The following DDX60 variants were observed in gnomAD, a reference collection of about 807,000 sequenced individuals.
The protein encoded by DDX60 is probable ATP-dependent RNA helicase DDX60.
A neutral mutation model predicts 212.8 loss-of-function variants in DDX60; 165 were observed. That is an observed-to-expected ratio of 0.78 (90% CI 0.68 to 0.88). The LOEUF is 0.88. Ranked by LOEUF, DDX60 falls within the 40% of genes least tolerant of loss-of-function variation. The probability of loss-of-function intolerance (pLI) is 0.00; values close to 1 mark genes in which losing one functional copy is unlikely to be tolerated. For synonymous variants in DDX60, 703 were observed against 685.3 expected (o/e 1.03, Z -0.40); for missense variants, 1,905 against 2,003.9 (o/e 0.95, Z 0.94).
Position 168,306,256 on chromosome 4 carries a change from AT to A in DDX60, c.606+122del, listed in dbSNP as rs1230863052. 3 of 585,290 alleles carry A rather than the reference AT, an allele frequency of 5.1e-6. No individual in the cohort carries two copies. The African/African-American group carries it at 5.6e-5, about 11-fold the overall frequency. 36.3% of individuals were successfully genotyped at this position (585,290 alleles called of 1,614,324 possible). On this transcript the variant is annotated intron_variant, in intron 5 of 37. Coordinates refer to ENST00000393743, the MANE Select transcript of DDX60 (RefSeq NM_017631.6). ...TATCATTATTTACTTAATATTATTAATTGTTATACCTATCTGTTAAGCCTCT... is the reference window on the plus strand; with the variant it reads ...TATCATTATTTACTTAATATTATTAATGTTATACCTATCTGTTAAGCCTCT...
At chr4:168,283,391 A>C in intron 13 of DDX60, 55 bp downstream of exon 13, 1 of 1,519,074 alleles carries the variant, frequency 6.6e-7, no homozygotes, top group Non-Finnish European at 9.0e-7. Context: ...ACACATATCA[A>C]CCTGATAAAA....
upstream of DDX60, among the ~76,000 whole-genome samples, chr4:168,321,305 T>TC (rs1335198515): frequency 3.9e-5 from 6 of 152,200 alleles, no homozygotes; most frequent in East Asian, 1.2e-3. Flanking sequence ...CAGGGTGAAC[T>TC]CCATGAGCCA....
At chr4:168,304,420 G>T (rs57663906) in intron 5 of DDX60, among the ~76,000 whole-genome samples, 12,595 of 152,028 alleles carry the variant, frequency 0.083, 1,678 homozygotes, top group African/African-American at 0.28. Context: ...AGAAAGAAAG[G>T]CCAGGCACAG....
chr4:168,300,097 AC>A (rs1736582061), intron 6 of DDX60, among the ~76,000 whole-genome samples: 1 of 152,198 alleles, frequency 6.6e-6, no homozygotes, highest in African/African-American at 2.4e-5. Flanking sequence ...ATAAACTATG[AC>A]TAAGTTGGAT....
chr4:168,307,910 A>C (rs1304570586), intron 4 of DDX60, 96 bp downstream of exon 4: 2 of 656,896 alleles, frequency 3.0e-6, no homozygotes, highest in Non-Finnish European at 4.4e-6. Flanking sequence ...TTATAGATAT[A>C]ATCTACTTTG....
At chr4:168,266,355 A>G (rs1295223138) in intron 22 of DDX60, among the ~76,000 whole-genome samples, 2 of 152,176 alleles carry the variant, frequency 1.3e-5, no homozygotes, top group African/African-American at 4.8e-5. Flanking sequence ...ATACATAGCA[A>G]TTTGTTAGGA....
rs1011746682 is a variant in DDX60, at chr4:168,225,539, C to T, written c.4671G>A (p.Leu1557=). ...ADMNQEYQLP[L]SKIKFTGKEC... ...GTAAAATATACTTACTGATTTTTGA[C>T]AATGGGAGTTGATATTCCTGATTCA... The change falls in exon 34 of 38, where the codon TTG becomes TTA. Residue 1557 remains leucine, a synonymous_variant. Transcript: ENST00000393743. 1.9e-5 allele frequency: 30 copies of T among 1,604,142 alleles called. No individual in the cohort carries two copies. Among genetic ancestry groups the T allele is most frequent in the Middle Eastern group, 3.3e-4 (2 of 6,038 alleles).
chr4:168,229,051 G>A (rs1417278455), intron 33 of DDX60, among the ~76,000 whole-genome samples: 2 of 152,078 alleles, frequency 1.3e-5, no homozygotes, highest in African/African-American at 4.8e-5. Context: ...CACTCAGACA[G>A]ACAGATCAGC....
intron 24 of DDX60, 133 bp from the exon 25 acceptor site, chr4:168,261,122 A>G (rs1156491100): frequency 8.4e-6 from 8 of 954,000 alleles, no homozygotes; most frequent in Non-Finnish European, 1.2e-5. Flanking sequence ...ATGAAAGTAC[A>G]TTATAAAACG....
intron 37 of DDX60, among the ~76,000 whole-genome samples, chr4:168,218,337 G>A (rs888861593): frequency 2.0e-5 from 3 of 151,934 alleles, no homozygotes; most frequent in African/African-American, 7.3e-5. Flanking sequence ...GCTCATCCTT[G>A]TTTCCTATAC....
chr4:168,280,462 G>T lies in DDX60; in HGVS notation c.1851C>A (p.His617Gln). The change falls in exon 14 of 38, where the codon CAC becomes CAA. Residue 617 changes from histidine to glutamine, a missense_variant. Physicochemically the swap from His to Gln is conservative, Grantham distance 24. Transcript: ENST00000393743. ...AATCTTCCAGGCTCTTTATTCCAGAGTGTAAATTTTCTTTCAATTGCTCTT... is the reference window on the plus strand; with the variant it reads ...AATCTTCCAGGCTCTTTATTCCAGATTGTAAATTTTCTTTCAATTGCTCTT... Reference protein sequence around the residue: ...SIEEQLKENLHSGIKSLEDFL... With the variant: ...SIEEQLKENLQSGIKSLEDFL... 6.2e-7 allele frequency: 1 copy of T among 1,614,156 alleles called. No individual in the cohort carries two copies. Among genetic ancestry groups the T allele is most frequent in the Non-Finnish European group, 8.5e-7 (1 of 1,180,026 alleles).
At chr4:168,293,638 T>A (rs1736209781) in intron 7 of DDX60, 149 bp downstream of exon 7, 1 of 694,332 alleles carries the variant, frequency 1.4e-6, no homozygotes, top group Non-Finnish European at 2.4e-6. Flanking sequence ...TGTTTCCTGA[T>A]AGACACAAAT....
At position 168,283,459 on chromosome 4, in the gene DDX60, C is replaced by G. The variant is rs751669020; in HGVS notation, c.1709G>C (p.Ser570Thr). 6.2e-7 allele frequency: 1 copy of G among 1,612,822 alleles called. No individual in the cohort carries two copies. The highest frequency in any genetic ancestry group is 1.3e-5 in the African/African-American group (1 of 74,942). The change falls in exon 13 of 38, where the codon AGC becomes ACC. Residue 570 changes from serine to threonine, a missense_variant. Transcript: ENST00000393743. ...TATAGAACCTACGTGTGCCTTTTTG[C>G]TCTTGGGCCCACTAAAATCCTTCTT... ...KSKKDFSGPKSKKAHETKAEI... is the reference protein window; with the variant it reads ...KSKKDFSGPKTKKAHETKAEI...
intron 7 of DDX60, 34 bp from the exon 8 acceptor site, chr4:168,291,940 C>A: frequency 6.5e-7 from 1 of 1,531,950 alleles, no homozygotes; most frequent in South Asian, 1.3e-5. Flanking sequence ...AGCCAGAGAA[C>A]AGCAGGGTGT....
At chr4:168,306,749 A>ATT (rs1282712440) in intron 4 of DDX60, 29 bp from the exon 5 acceptor site, 3 of 1,500,446 alleles carry the variant, frequency 2.0e-6, no homozygotes, top group Non-Finnish European at 2.7e-6. Context: ...AGTACATTTT[A>ATT]TTTCAAAATT....
intron 36 of DDX60, 33 bp from the exon 37 acceptor site, chr4:168,220,750 A>T: frequency 8.8e-7 from 1 of 1,136,088 alleles, no homozygotes; most frequent in Non-Finnish European, 1.2e-6. Flanking sequence ...AATTAATAAT[A>T]CAAAACATTA....
intron 25 of DDX60, among the ~76,000 whole-genome samples, chr4:168,257,584 G>A (rs771808222): frequency 1.3e-5 from 2 of 152,080 alleles, no homozygotes; most frequent in Admixed American, 6.6e-5. Flanking sequence ...TGGGGCCTAG[G>A]AATATATTAC....
At chr4:168,233,721 G>A (rs1578977979) in intron 33 of DDX60, among the ~76,000 whole-genome samples, 1 of 152,052 alleles carries the variant, frequency 6.6e-6, no homozygotes, top group Non-Finnish European at 1.5e-5. Context: ...AAAGGTGTGA[G>A]GGGTGAGGAA....
At chr4:168,302,764 C>T (rs1322977529) in intron 5 of DDX60, among the ~76,000 whole-genome samples, 1 of 152,148 alleles carries the variant, frequency 6.6e-6, no homozygotes, top group Admixed American at 6.5e-5. Flanking sequence ...TTCCAGCACC[C>T]TCCAAAACAC....
Sources: gnomAD v4.1 joint callset for allele counts (sites outside exome capture counted in the v4.1 genomes callset) on GRCh38, gnomAD v4.1.1 for gene constraint, MANE v1.5 for transcripts, NCBI Gene and HGNC (gene_info 2026-07-23, HGNC 2026-07-21) for gene names.